The following GABBR2 variants were observed in gnomAD, a reference collection of about 807,000 sequenced individuals.
GABBR2 encodes gamma-aminobutyric acid type B receptor subunit 2.
In GABBR2, 23 loss-of-function variants were observed where a neutral mutation model predicts 105.6. The observed-to-expected ratio is 0.22, with a 90% confidence interval of 0.16 to 0.31. The LOEUF is 0.31. Among genes scored for constraint, GABBR2 ranks in the 10% least tolerant of loss-of-function variants. GABBR2 has a pLI of 1.00. For synonymous variants in GABBR2, 478 were observed against 499.7 expected (o/e 0.96, Z 0.58); for missense variants, 734 against 1,245.5 (o/e 0.59, Z 6.18).
intron 16 of GABBR2, among the ~76,000 whole-genome samples, chr9:98,301,444 T>C (rs191506580): frequency 6.6e-6 from 1 of 152,342 alleles, no homozygotes; most frequent in Admixed American, 6.5e-5. Context: ...TTAGAGGATT[T>C]TTCCAAACAG....
chr9:98,670,270 C>CA (rs35929348), intron 1 of GABBR2, among the ~76,000 whole-genome samples: 22,856 of 142,522 alleles, frequency 0.16, 2,645 homozygotes, highest in African/African-American at 0.34. Flanking sequence ...TTCGTCACCT[C>CA]AAAAAAAAAA....
chr9:98,480,169 C>A (rs2131641517), intron 5 of GABBR2, among the ~76,000 whole-genome samples: 1 of 152,286 alleles, frequency 6.6e-6, no homozygotes, highest in East Asian at 1.9e-4. Context: ...AGTGACTCAC[C>A]TGCCTGGGCT....
chr9:98,435,888 T>A (rs1401227883), intron 7 of GABBR2, among the ~76,000 whole-genome samples: 1 of 152,174 alleles, frequency 6.6e-6, no homozygotes, highest in Non-Finnish European at 1.5e-5. Flanking sequence ...CCTTATTTCA[T>A]CTTCAGGTCT....
intron 13 of GABBR2, among the ~76,000 whole-genome samples, chr9:98,358,489 C>A (rs932308306): frequency 2.0e-5 from 3 of 152,214 alleles, no homozygotes; most frequent in African/African-American, 7.2e-5. Context: ...AGACTGGCGT[C>A]CCTCCTCGGG....
intron 1 of GABBR2, among the ~76,000 whole-genome samples, chr9:98,618,157 C>T (rs1829614624): frequency 6.6e-6 from 1 of 152,186 alleles, no homozygotes; most frequent in Non-Finnish European, 1.5e-5. Flanking sequence ...GCTAACCGAT[C>T]CTGCAGCTCC....
Position 98,388,893 on chromosome 9 carries a change from C to T in GABBR2, c.1490G>A (p.Ser497Asn). ...CTTGATGTTGAAGAAGAGAAAAGCA[C>T]TGGCCATGATCATCCCGAGGATGGT... ...ALTILGMIMASAFLFFNIKNR... is the reference protein window; with the variant it reads ...ALTILGMIMANAFLFFNIKNR... Residue 497 changes from serine (S) to asparagine (N), a missense_variant, in exon 10 of 19, where the codon AGT (serine) becomes AAT (asparagine). Transcript: ENST00000259455. This position sits in a 1 kb window ranked among gnomAD's most constrained non-coding sequence, Gnocchi z 4.4. 2.5e-6 allele frequency: 4 copies of T among 1,613,830 alleles called. No individual in the cohort carries two copies. The highest frequency in any genetic ancestry group is 3.4e-6 in the Non-Finnish European group (4 of 1,179,820).
chr9:98,628,713 A>G (rs1588259441), intron 1 of GABBR2, among the ~76,000 whole-genome samples: 1 of 152,100 alleles, frequency 6.6e-6, no homozygotes, highest in East Asian at 1.9e-4. Flanking sequence ...CCTGCCTCTA[A>G]CAACCTCCTG....
chr9:98,579,514 C>A (rs1181509372), intron 1 of GABBR2, among the ~76,000 whole-genome samples: 4 of 152,216 alleles, frequency 2.6e-5, no homozygotes, highest in Admixed American at 6.5e-5. Context: ...CACCATCTAG[C>A]TGTCTGAGGG....
intron 1 of GABBR2, among the ~76,000 whole-genome samples, chr9:98,705,200 G>A (rs1830878778): frequency 6.6e-6 from 1 of 152,192 alleles, no homozygotes; most frequent in Admixed American, 6.5e-5. Flanking sequence ...ATATAAACGA[G>A]TATTTGCTGA....
At chr9:98,295,874 G>A (rs1273381714) in intron 17 of GABBR2, among the ~76,000 whole-genome samples, 2 of 152,168 alleles carry the variant, frequency 1.3e-5, no homozygotes, top group Non-Finnish European at 2.9e-5. Flanking sequence ...ATTATATATT[G>A]ATTGGTGGAC....
At chr9:98,629,387 G>GCAAGCACATTT (rs1829787974) in intron 1 of GABBR2, among the ~76,000 whole-genome samples, 1 of 152,150 alleles carries the variant, frequency 6.6e-6, no homozygotes, top group African/African-American at 2.4e-5. Flanking sequence ...TTCAGCCTAA[G>GCAAGCACATTT]CAAGCACATT....
chr9:98,447,716 T>A (rs1199983021), intron 7 of GABBR2, among the ~76,000 whole-genome samples: 1 of 152,030 alleles, frequency 6.6e-6, no homozygotes. Context: ...TGGTTTTCTC[T>A]GGCTACCTAG....
At chr9:98,627,263 A>C (rs550655868) in intron 1 of GABBR2, among the ~76,000 whole-genome samples, 2 of 152,260 alleles carry the variant, frequency 1.3e-5, no homozygotes, top group African/African-American at 4.8e-5. Context: ...GCAGATGGCA[A>C]GCTGTGGCCC....
At chr9:98,347,589 T>G (rs147163767) in intron 13 of GABBR2, among the ~76,000 whole-genome samples, 248 of 152,334 alleles carry the variant, frequency 1.6e-3, no homozygotes, top group Non-Finnish European at 2.6e-3. Context: ...TAGTCCAATT[T>G]ATCTATTTTT....
chr9:98,441,516 T>G (rs1001300455), intron 7 of GABBR2, among the ~76,000 whole-genome samples: 1 of 152,192 alleles, frequency 6.6e-6, no homozygotes, highest in African/African-American at 2.4e-5. Flanking sequence ...TACAGGTGTG[T>G]GCCATCACAA....
chr9:98,318,914 T>TG (rs1554690495), intron 13 of GABBR2, among the ~76,000 whole-genome samples: 42,057 of 147,262 alleles, frequency 0.29, 6,253 homozygotes, highest in East Asian at 0.55. Flanking sequence ...TGTGTGTGTG[T>TG]TGGGGGTGTG....
At chr9:98,645,089 TGAGA>T (rs2131840379) in intron 1 of GABBR2, among the ~76,000 whole-genome samples, 1 of 152,274 alleles carries the variant, frequency 6.6e-6, no homozygotes. Context: ...TCCTGAGCCT[TGAGA>T]GACTGGCTTG....
intron 11 of GABBR2, among the ~76,000 whole-genome samples, chr9:98,379,027 C>G (rs1015832194): frequency 2.6e-5 from 4 of 152,208 alleles, no homozygotes; most frequent in Non-Finnish European, 4.4e-5. Context: ...AGATTCCAAC[C>G]ACTACATGGC....
chr9:98,628,796 C>T (rs1045195853), intron 1 of GABBR2, among the ~76,000 whole-genome samples: 2 of 152,108 alleles, frequency 1.3e-5, no homozygotes, highest in Non-Finnish European at 2.9e-5. Context: ...TGTGTGTCCC[C>T]CTCCAGCCAG....
Sources: gnomAD v4.1 joint callset for allele counts (sites outside exome capture counted in the v4.1 genomes callset) on GRCh38, gnomAD v4.1.1 for gene constraint, Gnocchi (gnomAD v3.1) non-coding constraint, MANE v1.5 for transcripts, NCBI Gene and HGNC (gene_info 2026-07-23, HGNC 2026-07-21) for gene names.